The following PRKCE variants were observed in gnomAD, a reference collection of about 807,000 sequenced individuals.
The protein encoded by PRKCE is protein kinase C epsilon, also known as protein kinase C epsilon type.
Under a neutral mutation model 85.4 loss-of-function variants are expected in PRKCE, and 16 were observed. That is an observed-to-expected ratio of 0.19 (90% CI 0.13 to 0.28). The LOEUF (loss-of-function observed/expected upper bound fraction) is 0.28. Ranked by LOEUF, PRKCE falls within the 10% of genes least tolerant of loss-of-function variation. The pLI is 1.00. For missense variants in PRKCE, 573 were observed against 975.2 expected, an observed-to-expected ratio of 0.59 and a Z score of 5.49; for synonymous variants, 388 against 371.5, an observed-to-expected ratio of 1.04 and a Z score of -0.51.
chr2:45,789,927 G>A (rs1686907161), intron 1 of PRKCE, among the ~76,000 whole-genome samples: 1 of 152,194 alleles, frequency 6.6e-6, no homozygotes, highest in Admixed American at 6.5e-5. Context: ...AAATGGTAGT[G>A]TTCATTCATA....
intron 1 of PRKCE, chr2:45,770,663 A>T (rs975421476): frequency 2.6e-5 from 4 of 152,190 alleles, no homozygotes; most frequent in Non-Finnish European, 5.9e-5. Flanking sequence ...GGATGATGAA[A>T]TTGAGACAGC....
chr2:46,025,379 C>T (rs759060968), intron 10 of PRKCE, among the ~76,000 whole-genome samples: 4 of 152,250 alleles, frequency 2.6e-5, no homozygotes, highest in Non-Finnish European at 4.4e-5. Context: ...GTACCTGGTA[C>T]GGTATGTCTT....
intron 11 of PRKCE, among the ~76,000 whole-genome samples, chr2:46,097,459 G>A (rs1387195513): frequency 6.7e-6 from 1 of 150,316 alleles, no homozygotes; most frequent in Non-Finnish European, 1.5e-5. Context: ...GGCGGAGCTT[G>A]CAGTGAGCCG....
At chr2:45,728,367 G>T (rs1573091161) in intron 1 of PRKCE, among the ~76,000 whole-genome samples, 1 of 152,190 alleles carries the variant, frequency 6.6e-6, no homozygotes, top group Non-Finnish European at 1.5e-5. Flanking sequence ...ATTCCTGGAT[G>T]TTGGACTAGC....
chr2:46,184,099 A>C lies in PRKCE; in HGVS notation c.2068-636A>C, dbSNP rs917684069. 6.6e-6 allele frequency among the ~76,000 whole-genome samples: 1 copy of C among 152,158 alleles called. No individual in the cohort carries two copies. Among genetic ancestry groups the C allele is most frequent in the East Asian group, 1.9e-4 (1 of 5,194 alleles). The stretch of plus-strand genomic sequence containing the variant: ...TTGCTGGGGAACTGCTGGGAACTCA[A>C]AGTTGAACAAGACAAGGTCTCTGCC... On this transcript the variant is annotated intron_variant, in intron 14 of 14. Transcript: ENST00000306156. This position sits in a 1 kb window ranked among gnomAD's most constrained non-coding sequence, Gnocchi z 5.0.
chr2:45,714,259 C>T (rs1679906567), intron 1 of PRKCE, among the ~76,000 whole-genome samples: 1 of 152,134 alleles, frequency 6.6e-6, no homozygotes, highest in Non-Finnish European at 1.5e-5. Flanking sequence ...TGAAGAGAGA[C>T]ACAGAGCTAA....
chr2:45,891,385 C>T (rs1695709888), intron 2 of PRKCE, among the ~76,000 whole-genome samples: 2 of 152,208 alleles, frequency 1.3e-5, no homozygotes, highest in Admixed American at 6.5e-5. Context: ...TGGCAAAGCA[C>T]ACCCTGCCAT....
At chr2:45,983,862 G>A (rs967743295) in intron 5 of PRKCE, among the ~76,000 whole-genome samples, 10 of 151,942 alleles carry the variant, frequency 6.6e-5, no homozygotes, top group South Asian at 4.2e-4. Context: ...ACAGAATCCC[G>A]TGTCCACCAT....
At chr2:45,797,940 G>A (rs761990053) in intron 1 of PRKCE, among the ~76,000 whole-genome samples, 2 of 152,196 alleles carry the variant, frequency 1.3e-5, no homozygotes, top group East Asian at 1.9e-4. Flanking sequence ...CAAAACAGGC[G>A]CTGGGCTTAC....
At chr2:45,872,449 G>A (rs966311544) in intron 2 of PRKCE, among the ~76,000 whole-genome samples, 5 of 152,186 alleles carry the variant, frequency 3.3e-5, no homozygotes, top group Admixed American at 2.6e-4. Context: ...GTCGTAGGAG[G>A]GCTCTGTGCA....
At chr2:45,801,438 T>C (rs970283243) in intron 1 of PRKCE, among the ~76,000 whole-genome samples, 2 of 151,996 alleles carry the variant, frequency 1.3e-5, no homozygotes, top group Non-Finnish European at 2.9e-5. Flanking sequence ...GCTGTGCTCA[T>C]TGGAACAGGA....
At chr2:45,892,505 G>A (rs1695806428) in intron 2 of PRKCE, among the ~76,000 whole-genome samples, 1 of 152,116 alleles carries the variant, frequency 6.6e-6, no homozygotes, top group African/African-American at 2.4e-5. Context: ...GAGGACTCAG[G>A]CAAGCTGGAG....
intron 1 of PRKCE, among the ~76,000 whole-genome samples, chr2:45,818,061 T>C (rs1210281204): frequency 6.6e-6 from 1 of 152,190 alleles, no homozygotes; most frequent in African/African-American, 2.4e-5. Context: ...GGTAGCACAT[T>C]TGTGATTCTG....
At chr2:45,964,564 C>A (rs1278135309) in intron 2 of PRKCE, among the ~76,000 whole-genome samples, 1 of 152,194 alleles carries the variant, frequency 6.6e-6, no homozygotes, top group African/African-American at 2.4e-5. Context: ...CAGAAGCATG[C>A]AGTAAAGTTC....
chr2:45,963,345 A>G (rs994710011), intron 2 of PRKCE, among the ~76,000 whole-genome samples: 4 of 151,784 alleles, frequency 2.6e-5, no homozygotes, highest in South Asian at 2.1e-4. Context: ...GTCTTGCTCT[A>G]TTGCCCAACA....
chr2:46,087,562 A>G (rs1669762678), intron 11 of PRKCE, among the ~76,000 whole-genome samples: 1 of 152,184 alleles, frequency 6.6e-6, no homozygotes. Context: ...AGCCCATATA[A>G]TAAAGTCCAT....
chr2:46,122,425 C>T (rs1472076995), intron 11 of PRKCE, among the ~76,000 whole-genome samples: 3 of 151,964 alleles, frequency 2.0e-5, no homozygotes, highest in African/African-American at 4.8e-5. Flanking sequence ...GACGGGGTTT[C>T]GCCATGTTGG....
chr2:45,979,068 G>A, intron 4 of PRKCE, 58 bp downstream of exon 4: 2 of 1,518,738 alleles, frequency 1.3e-6, no homozygotes, highest in Non-Finnish European at 1.8e-6. Flanking sequence ...CAGATCACTG[G>A]CACCCATAGG....
intron 1 of PRKCE, among the ~76,000 whole-genome samples, chr2:45,727,375 G>A (rs2104515238): frequency 6.6e-6 from 1 of 152,334 alleles, no homozygotes; most frequent in East Asian, 1.9e-4. Context: ...TCCAACCAGT[G>A]CACAAAAGTG....
Sources: gnomAD v4.1 joint callset for allele counts (sites outside exome capture counted in the v4.1 genomes callset) on GRCh38, gnomAD v4.1.1 for gene constraint, Gnocchi (gnomAD v3.1) non-coding constraint, MANE v1.5 for transcripts, NCBI Gene and HGNC (gene_info 2026-07-23, HGNC 2026-07-21) for gene names.